FIGN: variants seen among roughly 807,000 people sequenced by gnomAD.
The protein encoded by FIGN is fidgetin, microtubule severing factor.
FIGN carries 11 observed loss-of-function variants against 51.3 expected under a neutral mutation model. That is an observed-to-expected ratio of 0.21 (90% CI 0.13 to 0.35). The LOEUF (loss-of-function observed/expected upper bound fraction) is 0.35, where lower values mean the gene tolerates loss of function less well. FIGN is among the 10% of genes least tolerant of loss of function. FIGN has a pLI of 1.00. For missense variants in FIGN, 857 were observed against 943.6 expected, an observed-to-expected ratio of 0.91 and a Z score of 1.20; for synonymous variants, 407 against 363.2, an observed-to-expected ratio of 1.12 and a Z score of -1.37.
chr2:163,671,897 T>C (rs1683883112), intron 2 of FIGN, among the ~76,000 whole-genome samples: 1 of 152,174 alleles, frequency 6.6e-6, no homozygotes, highest in Non-Finnish European at 1.5e-5. Flanking sequence ...CAGATAAATT[T>C]AGTATAATCT....
At chr2:163,668,810 G>A (rs956912866) in intron 2 of FIGN, among the ~76,000 whole-genome samples, 1 of 151,528 alleles carries the variant, frequency 6.6e-6, no homozygotes, top group Non-Finnish European at 1.5e-5. Context: ...GCGTGGTGGC[G>A]GGCGCCTGTA....
At chr2:163,691,806 G>A (rs1684243840) in intron 2 of FIGN, among the ~76,000 whole-genome samples, 1 of 152,114 alleles carries the variant, frequency 6.6e-6, no homozygotes, top group African/African-American at 2.4e-5. Context: ...GTGGAATAAA[G>A]AGGAAAATAT....
chr2:163,666,841 A>G (rs1409367281), intron 2 of FIGN, among the ~76,000 whole-genome samples: 2 of 151,924 alleles, frequency 1.3e-5, no homozygotes, highest in Non-Finnish European at 2.9e-5. Context: ...ATAAATTTGG[A>G]TATACCCCAG....
chr2:163,623,967 G>C (rs567408020), intron 2 of FIGN, among the ~76,000 whole-genome samples: 15 of 152,018 alleles, frequency 9.9e-5, no homozygotes, highest in African/African-American at 3.6e-4. Context: ...AATGTTACTA[G>C]AGTACCCAAA....
chr2:163,661,794 C>T (rs944487562), intron 2 of FIGN, among the ~76,000 whole-genome samples: 6 of 152,114 alleles, frequency 3.9e-5, no homozygotes, highest in Non-Finnish European at 8.8e-5. Context: ...TTTCTTCTTC[C>T]TCATTTTTCT....
Position 163,610,151 on chromosome 2 carries a change from C to G in FIGN, c.1681G>C (p.Gly561Arg), listed in dbSNP as rs367860574. The G allele has an allele frequency of 9.9e-6, 16 of 1,614,098 alleles. No homozygotes were observed. The highest frequency in any genetic ancestry group is 1.2e-5 in the Non-Finnish European group (14 of 1,179,990). Reference protein sequence around the residue: ...AGSGLVAKWLGEAEKIIHASF... With the variant: ...AGSGLVAKWLREAEKIIHASF... The stretch of plus-strand genomic sequence containing the variant: ...GCATGGATAATTTTCTCTGCTTCTC[C>G]TAACCACTTGGCGACTAGTCCAGAA... Residue 561 changes from glycine to arginine, a missense_variant, in exon 3 of 3, where the codon GGA becomes CGA. By Grantham distance (125) the Gly-to-Arg change is moderately radical. Coordinates refer to ENST00000333129, the MANE Select transcript of FIGN (RefSeq NM_018086.4).
chr2:163,682,465 T>C (rs929756959), intron 2 of FIGN, among the ~76,000 whole-genome samples: 7 of 152,186 alleles, frequency 4.6e-5, no homozygotes, highest in Non-Finnish European at 7.3e-5. Flanking sequence ...GCAAAAGTCA[T>C]GCACTTCAAG....
chr2:163,611,884 TTGTTACC>T, intron 2 of FIGN, 78 bp from the exon 3 acceptor site: 1 of 1,232,988 alleles, frequency 8.1e-7, no homozygotes, highest in South Asian at 1.5e-5. Flanking sequence ...CCAATTTCTT[TTGTTACC>T]TATTATTTTC....
intron 2 of FIGN, among the ~76,000 whole-genome samples, chr2:163,671,190 A>G (rs1683869616): frequency 6.6e-6 from 1 of 152,230 alleles, no homozygotes; most frequent in African/African-American, 2.4e-5. Flanking sequence ...GTTAGCTGCC[A>G]TCATCCATTT....
Position 163,608,199 on chromosome 2 carries a change from T to A in FIGN, c.*1353A>T, listed in dbSNP as rs1425390950. ...CCAGATTTCAAAATGAGAAGCAAAA[T>A]TGCACTGACAAGAGTGGAGTCAAAA... On this transcript the variant is annotated 3_prime_UTR_variant, in exon 3 of 3. Transcript: ENST00000333129. 6.6e-6 allele frequency: 1 copy of A among 152,490 alleles called. No homozygotes were observed. The highest frequency in any genetic ancestry group is 1.5e-5 in the Non-Finnish European group (1 of 68,014). The allele number at this position is 152,490 out of a possible 1,614,324, so 9.4% of individuals were successfully genotyped here. A position where few individuals can be genotyped will look rare whatever the true frequency, so the allele number is the denominator to read the frequency against.
chr2:163,616,263 T>C (rs1445049497), intron 2 of FIGN, among the ~76,000 whole-genome samples: 1 of 152,096 alleles, frequency 6.6e-6, no homozygotes, highest in African/African-American at 2.4e-5. Context: ...GCCACAGCTA[T>C]AAAATTTTAA....
chr2:163,640,210 C>T, intron 2 of FIGN, among the ~76,000 whole-genome samples: 1 of 152,050 alleles, frequency 6.6e-6, no homozygotes, highest in East Asian at 1.9e-4. Flanking sequence ...AAAAAATTAA[C>T]ATGTTTAATC....
At chr2:163,684,115 T>C (rs145160391) in intron 2 of FIGN, among the ~76,000 whole-genome samples, 2 of 152,314 alleles carry the variant, frequency 1.3e-5, no homozygotes, top group African/African-American at 4.8e-5. Flanking sequence ...TTTTTCTTTA[T>C]CATAGATCAT....
chr2:163,671,052 C>T (rs1318125303), intron 2 of FIGN, among the ~76,000 whole-genome samples: 4 of 152,130 alleles, frequency 2.6e-5, no homozygotes, highest in Non-Finnish European at 5.9e-5. Flanking sequence ...CACGGTGATT[C>T]CCATTATCTA....
At chr2:163,634,698 A>G (rs944326910) in intron 2 of FIGN, among the ~76,000 whole-genome samples, 1 of 152,242 alleles carries the variant, frequency 6.6e-6, no homozygotes, top group Admixed American at 6.5e-5. Context: ...TCTATAGCAT[A>G]GCATTCATTT....
chr2:163,678,533 T>C (rs1478635128), intron 2 of FIGN, among the ~76,000 whole-genome samples: 1 of 152,170 alleles, frequency 6.6e-6, no homozygotes, highest in Non-Finnish European at 1.5e-5. Flanking sequence ...CATGTCATCT[T>C]AAGCTCCTCT....
chr2:163,624,814 GT>G (rs991003780), intron 2 of FIGN, among the ~76,000 whole-genome samples: 34 of 151,342 alleles, frequency 2.2e-4, no homozygotes, highest in African/African-American at 8.2e-4. Context: ...AGGTAACTGT[GT>G]TTAATAAACC....
intron 2 of FIGN, among the ~76,000 whole-genome samples, chr2:163,684,847 T>A (rs1392696081): frequency 2.6e-5 from 4 of 152,094 alleles, no homozygotes; most frequent in Non-Finnish European, 5.9e-5. Flanking sequence ...TGATCTCGGC[T>A]CACTGCAACC....
chr2:163,675,214 C>T (rs576391404), intron 2 of FIGN, among the ~76,000 whole-genome samples: 1 of 152,312 alleles, frequency 6.6e-6, no homozygotes, highest in African/African-American at 2.4e-5. Flanking sequence ...TTTCTTGTCA[C>T]TTCTTCCATG....
Sources: gnomAD v4.1 joint callset for allele counts (sites outside exome capture counted in the v4.1 genomes callset) on GRCh38, gnomAD v4.1.1 for gene constraint, MANE v1.5 for transcripts, NCBI Gene and HGNC (gene_info 2026-07-23, HGNC 2026-07-21) for gene names.